Variants in ARL14EP observed in about 807,000 individuals in gnomAD.
ARL14EP encodes the protein ARF like GTPase 14 effector protein, also known as ARL14 effector protein.
ARL14EP carries 12 observed loss-of-function variants against 23.1 expected under a neutral mutation model. The observed-to-expected ratio is 0.52, with a 90% CI of 0.33 to 0.84. The LOEUF (loss-of-function observed/expected upper bound fraction) is 0.84. Ranked by LOEUF, ARL14EP falls within the 40% of genes least tolerant of loss-of-function variation. The probability of loss-of-function intolerance (pLI) is 0.02; values close to 1 mark genes in which losing one functional copy is unlikely to be tolerated. For missense variants in ARL14EP, 253 were observed against 307.3 expected (o/e 0.82, Z 1.32); for synonymous variants, 97 against 102.0 (o/e 0.95, Z 0.29).
intron 2 of ARL14EP, chr11:30,331,616 A>T: frequency 7.4e-7 from 1 of 1,360,300 alleles, no homozygotes; most frequent in Non-Finnish European, 9.4e-7. Flanking sequence ...CCAAGCTACA[A>T]CTTTTAGTGC....
At chr11:30,333,771 G>A (rs1468354369) in intron 3 of ARL14EP, among the ~76,000 whole-genome samples, 1 of 152,170 alleles carries the variant, frequency 6.6e-6, no homozygotes, top group Non-Finnish European at 1.5e-5. Flanking sequence ...GATTAAGCTT[G>A]GGAGTAAGGC....
chr11:30,328,088 T>TCTC (rs1471343389), intron 1 of ARL14EP: 1 of 152,096 alleles, frequency 6.6e-6, no homozygotes, highest in African/African-American at 2.4e-5. Context: ...ATTTCCTTTT[T>TCTC]CTCCTCCTTA....
intron 3 of ARL14EP, 125 bp downstream of exon 3, chr11:30,333,118 A>G: frequency 2.3e-6 from 3 of 1,278,722 alleles, no homozygotes; most frequent in Non-Finnish European, 3.2e-6. Flanking sequence ...AGAATTAGTA[A>G]AAACCTATGA....
intron 1 of ARL14EP, among the ~76,000 whole-genome samples, chr11:30,324,684 A>T (rs1947224011): frequency 6.6e-6 from 1 of 152,182 alleles, no homozygotes; most frequent in Non-Finnish European, 1.5e-5. Context: ...GGTAATGGGC[A>T]GCAAGAGAAA....
chr11:30,323,515 T>C (rs1243358790), intron 1 of ARL14EP, among the ~76,000 whole-genome samples: 10 of 152,248 alleles, frequency 6.6e-5, no homozygotes, highest in Admixed American at 6.5e-4. Context: ...TACTTAGGGT[T>C]ATTGTGGCCT....
intron 3 of ARL14EP, among the ~76,000 whole-genome samples, chr11:30,334,096 A>G (rs922666416): frequency 6.6e-6 from 1 of 151,870 alleles, no homozygotes; most frequent in African/African-American, 2.4e-5. Context: ...AGGTTGGTTT[A>G]TGAGGGTAAG....
chr11:30,326,270 A>T (rs1360979097), intron 1 of ARL14EP, among the ~76,000 whole-genome samples: 1 of 152,198 alleles, frequency 6.6e-6, no homozygotes, highest in Non-Finnish European at 1.5e-5. Flanking sequence ...TGAAATGCAG[A>T]TCCTGACTCA....
At chr11:30,324,708 C>CTTA (rs1947224123) in intron 1 of ARL14EP, among the ~76,000 whole-genome samples, 1 of 152,220 alleles carries the variant, frequency 6.6e-6, no homozygotes, top group Non-Finnish European at 1.5e-5. Flanking sequence ...CTTAAGAACT[C>CTTA]TTTAAAACTA....
At chr11:30,330,804 G>A (rs936115368) in intron 1 of ARL14EP, 82 bp from the exon 2 acceptor site, 16 of 714,900 alleles carry the variant, frequency 2.2e-5, no homozygotes, top group East Asian at 1.1e-4. Context: ...TTTTAGATAG[G>A]TGTTGAATTT....
At chr11:30,330,426 C>T (rs919159289) in intron 1 of ARL14EP, 2 of 153,744 alleles carry the variant, frequency 1.3e-5, no homozygotes, top group Non-Finnish European at 2.9e-5. Context: ...TGAGCCACTC[C>T]ATGATATATA....
At chr11:30,333,731 G>A (rs1947305953) in intron 3 of ARL14EP, among the ~76,000 whole-genome samples, 1 of 152,120 alleles carries the variant, frequency 6.6e-6, no homozygotes, top group African/African-American at 2.4e-5. Flanking sequence ...GAAGAGTCAA[G>A]TTTCTCATTT....
rs1947276393 is a variant in ARL14EP at position 30,330,869 on chromosome 11, T to C, written c.-63-17T>C. The C allele has an allele frequency of 5.8e-6, 8 of 1,385,274 alleles. No individual in the cohort carries two copies. Among genetic ancestry groups the C allele is most frequent in the Non-Finnish European group, 8.1e-6 (8 of 992,164 alleles). 85.8% of individuals were successfully genotyped at this position (1,385,274 alleles called of 1,614,324 possible). The stretch of plus-strand genomic sequence containing the variant: ...AACTTGCAGCACAAATTTGATTCTC[T>C]TTAATATTTTCTCTAGGGTGATCAG... On this transcript the variant is annotated splice_polypyrimidine_tract_variant and intron_variant, in intron 1 of 3. Coordinates refer to ENST00000282032, the MANE Select transcript of ARL14EP (RefSeq NM_152316.3).
Position 30,332,931 on chromosome 11 carries a change from T to C in ARL14EP, c.492T>C (p.Ala164=). The C allele has an allele frequency of 6.2e-7, 1 of 1,613,700 alleles. No homozygotes were observed. Residue 164 remains alanine (A), a synonymous_variant, in exon 3 of 4, where the codon GCT becomes GCC. Transcript: ENST00000282032. ...ATCCAGGAAGGCAAACTGAATTTGC[T>C]CCAGAAACTGGTAAAAGAGAAAAAA... ...FTNPGRQTEF[A]PETGKREKRR...
rs36111177 is a variant in ARL14EP, at chr11:30,334,208, C to CTTTTTTTTTTTTTTTT, written c.554+1225_554+1240dup. The stretch of plus-strand genomic sequence containing the variant: ...CAGATTTTCAATGTAGACCAGCCTT[C>CTTTTTTTTTTTTTTTT]TTTTTTTTTTTTTTTTTTTTTTTTT... On this transcript the variant is annotated intron_variant, in intron 3 of 3. Coordinates refer to ENST00000282032, the MANE Select transcript of ARL14EP (RefSeq NM_152316.3). Among the ~76,000 whole-genome samples, 181 of 86,024 alleles carry CTTTTTTTTTTTTTTTT rather than the reference C, an allele frequency of 2.1e-3. 21 individuals carry two copies. Among genetic ancestry groups the CTTTTTTTTTTTTTTTT allele is most frequent in the African/African-American group, 5.6e-3 (112 of 19,846 alleles). The allele number at this position is 86,024 out of a possible 152,430, so 56.4% of individuals were successfully genotyped here. A position where few individuals can be genotyped will look rare whatever the true frequency, so the allele number is the denominator to read the frequency against.
At chr11:30,330,529 T>C (rs560237016) in intron 1 of ARL14EP, 39 of 167,056 alleles carry the variant, frequency 2.3e-4, no homozygotes, top group Non-Finnish European at 4.3e-4. Flanking sequence ...AGTCACATAT[T>C]TTGTAAGATA....
chr11:30,337,076 C>T lies in ARL14EP; in HGVS notation c.*281C>T. ...TCCCATGGGCACAAATTTCAGTGAC[C>T]TAGATTTAGTTTAAATACCAGTTTC... On this transcript the variant is annotated 3_prime_UTR_variant, in exon 4 of 4. Coordinates refer to ENST00000282032, the MANE Select transcript of ARL14EP (RefSeq NM_152316.3). The T allele has an allele frequency of 2.7e-6, 1 of 376,456 alleles. No homozygotes were observed. Among genetic ancestry groups the T allele is most frequent in the South Asian group, 3.1e-5 (1 of 32,524 alleles). 23.3% of individuals were successfully genotyped at this position (376,456 alleles called of 1,614,324 possible). A position where few individuals can be genotyped will look rare whatever the true frequency, so the allele number is the denominator to read the frequency against.
intron 2 of ARL14EP, 130 bp from the exon 3 acceptor site, chr11:30,332,736 C>G (rs1200326905): frequency 9.4e-6 from 11 of 1,173,436 alleles, no homozygotes; most frequent in Non-Finnish European, 1.3e-5. Flanking sequence ...GCTCTAAAAC[C>G]TTGTTTTCTT....
rs1200603955 is a variant in ARL14EP, at chr11:30,336,768, A to T, written c.756A>T (p.Glu252Asp). The change falls in exon 4 of 4, where the codon GAA becomes GAT. Residue 252 changes from glutamate (E) to aspartate (D), a missense_variant. Glu to Asp is a conservative substitution (Grantham distance 45). Coordinates refer to ENST00000282032, the MANE Select transcript of ARL14EP (RefSeq NM_152316.3). ...LYEQIEIEGG[E>D]IIHNKHAG is the part of the protein sequence containing the mutation. ...AGCAAATTGAAATTGAAGGAGGAGA[A>T]ATAATTCATAATAAACATGCTGGAT... 1 of 1,614,084 alleles carries T rather than the reference A, an allele frequency of 6.2e-7. No homozygotes were observed. Among genetic ancestry groups the T allele is most frequent in the South Asian group, 1.1e-5 (1 of 91,076 alleles).
Position 30,330,969 on chromosome 11 carries a change from T to TG in ARL14EP, c.23dup (p.Val9SerfsTer8). The TG allele has an allele frequency of 6.2e-7, 1 of 1,613,710 alleles. No individual in the cohort carries two copies. Among genetic ancestry groups the TG allele is most frequent in the Non-Finnish European group, 8.5e-7 (1 of 1,179,718 alleles). ...CAAGAATGATGGATCCATGTTCAGT[T>TG]GGAGTCCAGCTTCGTACTACAAATG... is the stretch of plus-strand genomic sequence containing the variant. On this transcript the variant is annotated frameshift_variant, in exon 2 of 4. Transcript: ENST00000282032. LOFTEE classifies it high-confidence loss of function.
Sources: gnomAD v4.1 joint callset for allele counts (sites outside exome capture counted in the v4.1 genomes callset) on GRCh38, gnomAD v4.1.1 for gene constraint, MANE v1.5 for transcripts, NCBI Gene and HGNC (gene_info 2026-07-23, HGNC 2026-07-21) for gene names.